SAMD3: variants seen among roughly 807,000 people sequenced by gnomAD.
SAMD3 encodes the protein sterile alpha motif domain containing 3.
Under a neutral mutation model 58.5 loss-of-function variants are expected in SAMD3, and 63 were observed. The observed-to-expected ratio is 1.08, with a 90% CI of 0.88 to 1.33. The LOEUF is 1.33. SAMD3 is among the 40% of genes most tolerant of loss of function. The pLI, the probability that SAMD3 is intolerant of heterozygous loss-of-function variation, is 0.00. For missense variants in SAMD3, 604 were observed against 608.4 expected, an observed-to-expected ratio of 0.99 and a Z score of 0.08; for synonymous variants, 220 against 210.3, an observed-to-expected ratio of 1.05 and a Z score of -0.40.
At chr6:130,325,036 G>T (rs926343250) in intron 1 of SAMD3, among the ~76,000 whole-genome samples, 13 of 146,288 alleles carry the variant, frequency 8.9e-5, no homozygotes, top group African/African-American at 3.5e-4. Context: ...AATACTGCAC[G>T]TACAATTCAG....
chr6:130,184,236 T>C lies in SAMD3; in HGVS notation c.570-49A>G, dbSNP rs1562411945. The C allele has an allele frequency of 4.2e-6, 6 of 1,439,758 alleles. No homozygotes were observed. The Admixed American group carries it at 5.8e-5, about 14-fold the overall frequency. The allele number at this position is 1,439,758 out of a possible 1,614,324, so 89.2% of individuals were successfully genotyped here. A position where few individuals can be genotyped will look rare whatever the true frequency, so the allele number is the denominator to read the frequency against. On this transcript the variant is annotated intron_variant, in intron 6 of 11. Coordinates refer to ENST00000439090, the MANE Select transcript of SAMD3 (RefSeq NM_001017373.4). ...ATGTTTCACTTCAAGCAAACCACATTCCTTCCTTTAAGATGAGTCTAATTA... is the reference window on the plus strand; with the variant it reads ...ATGTTTCACTTCAAGCAAACCACATCCCTTCCTTTAAGATGAGTCTAATTA...
intron 1 of SAMD3, among the ~76,000 whole-genome samples, chr6:130,221,069 T>G (rs374818458): frequency 6.8e-4 from 104 of 152,164 alleles, no homozygotes; most frequent in African/African-American, 2.3e-3. Flanking sequence ...TTAGCCAGGA[T>G]GGTCTCGATC....
intron 1 of SAMD3, among the ~76,000 whole-genome samples, chr6:130,346,360 G>T (rs1777450576): frequency 6.6e-6 from 1 of 152,160 alleles, no homozygotes; most frequent in African/African-American, 2.4e-5. Context: ...GGAAAATCGG[G>T]TCACTCCCAC....
At chr6:130,176,263 A>T in intron 7 of SAMD3, 1 of 493,712 alleles carries the variant, frequency 2.0e-6, no homozygotes, top group Non-Finnish European at 3.6e-6. Flanking sequence ...TCCCAATGTC[A>T]TATGGTTATT....
Position 130,251,120 on chromosome 6 carries a change from T to C in SAMD3, c.-187-28307A>G, listed in dbSNP as rs553044334. Among the ~76,000 whole-genome samples the C allele has an allele frequency of 2.2e-4, 33 of 152,348 alleles. 2 individuals carry two copies. Among genetic ancestry groups the C allele is most frequent in the African/African-American group, 7.9e-4 (33 of 41,582 alleles). ...TTGCTATTATCTGTCTTTTTGATTA[T>C]AGCCATCCAAGTGGGCATAAAGTGG... On this transcript the variant is annotated intron_variant, in intron 2 of 13. Coordinates refer to the SAMD3 transcript ENST00000368134.
rs1774428598 is a variant in SAMD3, at chr6:130,268,132, G to T, written c.-188+44846C>A. Reference sequence around the variant, plus strand: ...CTTTCAGTCCTGTAAAGACATTGATGATCCCAGCCCTGTGGAAGCCTAGGC... The same window carrying T: ...CTTTCAGTCCTGTAAAGACATTGATTATCCCAGCCCTGTGGAAGCCTAGGC... On this transcript the variant is annotated intron_variant, in intron 2 of 13. Transcript: ENST00000368134. Among the ~76,000 whole-genome samples, 3 of 152,180 alleles carry T rather than the reference G, an allele frequency of 2.0e-5. No homozygotes were observed. In the East Asian group the frequency reaches 5.8e-4, roughly 29 times the overall value.
At chr6:130,292,271 C>CTT (rs397885432) in intron 2 of SAMD3, among the ~76,000 whole-genome samples, 11 of 114,092 alleles carry the variant, frequency 9.6e-5, no homozygotes, top group South Asian at 5.2e-4. Context: ...TTCTTTCTTT[C>CTT]TTTTTTTTTT....
chr6:130,146,258 T>G, intron 9 of SAMD3, 77 bp from the exon 10 acceptor site: 1 of 922,220 alleles, frequency 1.1e-6, no homozygotes, highest in Non-Finnish European at 1.5e-6. Context: ...CATAAAACCT[T>G]TAGAATTAAG....
chr6:130,161,215 T>G (rs914288097), intron 8 of SAMD3: 5 of 152,202 alleles, frequency 3.3e-5, no homozygotes, highest in Non-Finnish European at 7.3e-5. Context: ...TTATTTTGTC[T>G]CATAAACTAC....
intron 5 of SAMD3, among the ~76,000 whole-genome samples, chr6:130,196,774 T>A (rs1794158957): frequency 6.6e-6 from 1 of 152,138 alleles, no homozygotes; most frequent in Non-Finnish European, 1.5e-5. Flanking sequence ...ATGCCCCGAG[T>A]CAGATAACTA....
At chr6:130,155,795 T>A (rs993670505) in intron 8 of SAMD3, among the ~76,000 whole-genome samples, 2 of 152,098 alleles carry the variant, frequency 1.3e-5, no homozygotes, top group African/African-American at 4.8e-5. Flanking sequence ...TACAAGCACA[T>A]AGGAAAGCCT....
intron 8 of SAMD3, chr6:130,162,042 T>C: frequency 2.2e-6 from 1 of 464,096 alleles, no homozygotes; most frequent in Non-Finnish European, 3.8e-6. Flanking sequence ...AGTGTAGGAC[T>C]CACCTTTGAG....
intron 2 of SAMD3, among the ~76,000 whole-genome samples, chr6:130,299,777 G>T (rs1775684826): frequency 6.6e-6 from 1 of 152,068 alleles, no homozygotes; most frequent in African/African-American, 2.4e-5. Context: ...GGTAGCACTA[G>T]CATTACAACT....
At chr6:130,180,192 C>T (rs1792155650) in intron 7 of SAMD3, among the ~76,000 whole-genome samples, 1 of 151,616 alleles carries the variant, frequency 6.6e-6, no homozygotes, top group African/African-American at 2.4e-5. Flanking sequence ...GCAATCATAG[C>T]TCACTGCTGT....
intron 2 of SAMD3, among the ~76,000 whole-genome samples, chr6:130,272,604 T>C (rs1294031178): frequency 6.6e-6 from 1 of 152,194 alleles, no homozygotes; most frequent in East Asian, 1.9e-4. Flanking sequence ...CAACTGATAA[T>C]TAAATATTAT....
intron 2 of SAMD3, among the ~76,000 whole-genome samples, chr6:130,231,997 A>G (rs1426986565): frequency 9.9e-5 from 15 of 152,202 alleles, no homozygotes; most frequent in Non-Finnish European, 4.4e-5. Context: ...GATTGGGGAT[A>G]CAAATTTTAA....
At chr6:130,329,261 C>CAAAAAAAAAAAAAAAAAAACAA in intron 1 of SAMD3, among the ~76,000 whole-genome samples, 1 of 118,304 alleles carries the variant, frequency 8.5e-6, no homozygotes, top group Non-Finnish European at 1.9e-5. Flanking sequence ...CAATGAATCT[C>CAAAAAAAAAAAAAAAAAAACAA]AAAAAAAAAA....
intron 5 of SAMD3, among the ~76,000 whole-genome samples, chr6:130,195,106 G>A (rs1034525373): frequency 3.3e-5 from 5 of 152,036 alleles, no homozygotes; most frequent in Non-Finnish European, 7.4e-5. Flanking sequence ...ATTAGGCTGA[G>A]GCACTTTAAC....
chr6:130,244,147 A>T (rs1397584228), intron 2 of SAMD3, among the ~76,000 whole-genome samples: 2 of 152,230 alleles, frequency 1.3e-5, no homozygotes, highest in African/African-American at 4.8e-5. Flanking sequence ...TATGTAATTT[A>T]GTTTTATTGG....
Sources: allele counts gnomAD v4.1 joint callset (sites outside exome capture counted in the v4.1 genomes callset), GRCh38; gene constraint gnomAD v4.1.1; transcripts MANE v1.5; gene names NCBI Gene and HGNC (gene_info 2026-07-23, HGNC 2026-07-21).